Variants in NELL2 observed in about 807,000 individuals in gnomAD.
The protein encoded by NELL2 is protein kinase C-binding protein NELL2.
A neutral mutation model predicts 109.6 loss-of-function variants in NELL2; 41 were observed. The ratio of observed to expected loss-of-function variants is 0.37; its 90% CI spans 0.29 to 0.49. NELL2 has a LOEUF of 0.49. Ranked by LOEUF, NELL2 falls within the 20% of genes least tolerant of loss-of-function variation. The pLI is 0.98. For missense variants in NELL2, 900 were observed against 1,008.3 expected (o/e 0.89, Z 1.45); for synonymous variants, 355 against 344.7 (o/e 1.03, Z -0.33).
intron 1 of NELL2, among the ~76,000 whole-genome samples, chr12:44,899,932 G>A (rs1410794107): frequency 1.3e-5 from 2 of 151,878 alleles, no homozygotes; most frequent in Non-Finnish European, 2.9e-5. Context: ...CCAAGCAAGT[G>A]GAAAGCAAAC....
intron 1 of NELL2, among the ~76,000 whole-genome samples, chr12:44,902,334 C>A (rs1483363622): frequency 6.6e-6 from 1 of 152,074 alleles, no homozygotes; most frequent in Non-Finnish European, 1.5e-5. Flanking sequence ...CCTAGGAATG[C>A]AACTTATGAG....
chr12:44,876,474 G>T, upstream of NELL2: 1 of 1,325,166 alleles, frequency 7.5e-7, no homozygotes, highest in East Asian at 2.8e-5. Context: ...ACCCGGTCTA[G>T]GGAGCCCAGG....
At chr12:44,542,468 G>C (rs1942620180) in intron 15 of NELL2, among the ~76,000 whole-genome samples, 1 of 152,074 alleles carries the variant, frequency 6.6e-6, no homozygotes, top group Non-Finnish European at 1.5e-5. Context: ...ACTATCTGTA[G>C]TGGGCAGAAG....
intron 15 of NELL2, among the ~76,000 whole-genome samples, chr12:44,570,349 G>C (rs1299315327): frequency 6.6e-6 from 1 of 152,114 alleles, no homozygotes; most frequent in East Asian, 1.9e-4. Context: ...CCACCATGTA[G>C]CCCTGTTAAC....
intron 3 of NELL2, among the ~76,000 whole-genome samples, chr12:44,784,643 CA>C (rs1942093819): frequency 2.0e-5 from 3 of 152,134 alleles, no homozygotes; most frequent in Admixed American, 2.0e-4. Context: ...AAAATACTGA[CA>C]AACCAAATCC....
At chr12:44,663,265 G>C (rs1378360798) in intron 13 of NELL2, among the ~76,000 whole-genome samples, 1 of 151,872 alleles carries the variant, frequency 6.6e-6, no homozygotes, top group East Asian at 1.9e-4. Flanking sequence ...AAAAAAATAA[G>C]CTTTGGCAAT....
intron 15 of NELL2, among the ~76,000 whole-genome samples, chr12:44,566,130 A>AGATTCAAAAGCTAGTTTGAATTACAAAGT (rs1943648987): frequency 6.6e-6 from 1 of 152,164 alleles, no homozygotes. Flanking sequence ...CTTCCTGGAG[A>AGATTCAAAAGCTAGTTTGAATTACAAAGT]GATTCAAAAG....
chr12:44,514,437 A>T (rs1941154716), intron 19 of NELL2, among the ~76,000 whole-genome samples: 1 of 151,876 alleles, frequency 6.6e-6, no homozygotes, highest in Non-Finnish European at 1.5e-5. Context: ...AGTAAAATGT[A>T]TGATAAAACA....
chr12:44,898,692 C>T (rs1489117842), intron 1 of NELL2, among the ~76,000 whole-genome samples: 1 of 152,116 alleles, frequency 6.6e-6, no homozygotes, highest in African/African-American at 2.4e-5. Context: ...ACCAGAAGGC[C>T]TCTTCTTCTC....
chr12:44,577,480 T>G (rs1301545635), intron 15 of NELL2, among the ~76,000 whole-genome samples: 37 of 132,302 alleles, frequency 2.8e-4, no homozygotes, highest in East Asian at 8.1e-4. Flanking sequence ...TTTTTTTTTT[T>G]TTTTTTTTTT....
intron 12 of NELL2, among the ~76,000 whole-genome samples, chr12:44,672,529 A>G (rs1042769435): frequency 1.3e-5 from 2 of 152,232 alleles, no homozygotes; most frequent in African/African-American, 4.8e-5. Flanking sequence ...ACTGGGGACT[A>G]CTACCATAGA....
intron 19 of NELL2, among the ~76,000 whole-genome samples, chr12:44,518,525 G>A (rs1164718964): frequency 3.9e-5 from 6 of 152,156 alleles, no homozygotes; most frequent in East Asian, 3.9e-4. Flanking sequence ...GATTACAGGC[G>A]TGAGCCACCG....
chr12:44,622,468 A>G (rs924996830), intron 13 of NELL2, among the ~76,000 whole-genome samples: 3 of 152,158 alleles, frequency 2.0e-5, no homozygotes, highest in African/African-American at 7.2e-5. Flanking sequence ...TTTTTTAAAA[A>G]CTTTAAGGCC....
At chr12:44,658,720 C>CA (rs143820487) in intron 13 of NELL2, among the ~76,000 whole-genome samples, 2,308 of 151,384 alleles carry the variant, frequency 0.015, 47 homozygotes, top group African/African-American at 0.053. Context: ...ACTAAAAATA[C>CA]AAAAAATTAG....
intron 9 of NELL2, among the ~76,000 whole-genome samples, chr12:44,748,412 C>T (rs1162862917): frequency 6.6e-6 from 1 of 151,996 alleles, no homozygotes; most frequent in Non-Finnish European, 1.5e-5. Context: ...TTTTGCATTT[C>T]GTCATGATCC....
At chr12:44,720,486 A>G (rs1381044774) in intron 9 of NELL2, among the ~76,000 whole-genome samples, 3 of 152,124 alleles carry the variant, frequency 2.0e-5, no homozygotes, top group South Asian at 2.1e-4. Flanking sequence ...CTTACTTTCA[A>G]CTCGAGCACA....
chr12:44,670,892 T>C (rs1398966672), intron 12 of NELL2, among the ~76,000 whole-genome samples: 1 of 152,156 alleles, frequency 6.6e-6, no homozygotes, highest in Non-Finnish European at 1.5e-5. Context: ...GCAGATCATA[T>C]AGACAGAAAA....
chr12:44,734,548 CT>C (rs923356800), intron 9 of NELL2, among the ~76,000 whole-genome samples: 2 of 151,776 alleles, frequency 1.3e-5, no homozygotes, highest in African/African-American at 2.4e-5. Context: ...TTTGTCCCCC[CT>C]GCTTTTACTT....
chr12:44,701,301 T>C (rs1162558382), intron 12 of NELL2, among the ~76,000 whole-genome samples: 2 of 152,104 alleles, frequency 1.3e-5, no homozygotes, highest in South Asian at 2.1e-4. Flanking sequence ...ATGATATATG[T>C]TCAACAAATT....
Sources: allele counts gnomAD v4.1 joint callset (sites outside exome capture counted in the v4.1 genomes callset), GRCh38; gene constraint gnomAD v4.1.1; transcripts MANE v1.5; gene names NCBI Gene and HGNC (gene_info 2026-07-23, HGNC 2026-07-21).